Variants in SLC30A10 observed in about 807,000 individuals in gnomAD.
SLC30A10 encodes the protein solute carrier family 30 member 10.
In SLC30A10, 8 loss-of-function variants were observed where a neutral mutation model predicts 21.7. The observed-to-expected ratio is 0.37, with a 90% CI of 0.22 to 0.67. The LOEUF is 0.67. Among genes scored for constraint, SLC30A10 ranks in the 30% least tolerant of loss-of-function variants. The probability of loss-of-function intolerance (pLI) is 0.58; values close to 1 mark genes in which losing one functional copy is unlikely to be tolerated. For synonymous variants in SLC30A10, 272 were observed against 279.4 expected (o/e 0.97, Z 0.26); for missense variants, 521 against 642.5 (o/e 0.81, Z 2.04).
Position 219,913,237 on chromosome 1 carries a change from G to A in SLC30A10, c.*2212C>T, listed in dbSNP as rs1221416203. Among the ~76,000 whole-genome samples the A allele has an allele frequency of 7.2e-5, 11 of 152,204 alleles. No individual in the cohort carries two copies. The highest frequency in any genetic ancestry group is 1.6e-4 in the Non-Finnish European group (11 of 68,036). Reference sequence around the variant, plus strand: ...CAGTCAGCCAAACTGTCTTAAAAAGGTATTACTTCATATTGACTCCAGGCC... The same window carrying A: ...CAGTCAGCCAAACTGTCTTAAAAAGATATTACTTCATATTGACTCCAGGCC... On this transcript the variant is annotated 3_prime_UTR_variant, in exon 4 of 4. Transcript: ENST00000366926.
chr1:219,926,988 C>T, intron 2 of SLC30A10, 40 bp downstream of exon 2: 2 of 1,484,800 alleles, frequency 1.3e-6, no homozygotes, highest in Non-Finnish European at 1.9e-6. Context: ...CCATGTGTGT[C>T]ATAGAAAGGG....
Position 219,917,976 on chromosome 1 carries a change from G to A in SLC30A10, c.958+279C>T, listed in dbSNP as rs4846606. 0.16 allele frequency among the ~76,000 whole-genome samples: 24,295 copies of A among 152,052 alleles called. 2,348 individuals carry two copies. The highest frequency in any genetic ancestry group is 0.22 in the South Asian group (1,041 of 4,814). On this transcript the variant is annotated intron_variant, in intron 3 of 3. Transcript: ENST00000366926. ...GACTCACCCACCTCTGCCTCCCAGAGTGCCAGGATTACAGGCGTGAGCCAC... is the reference window on the plus strand; with the variant it reads ...GACTCACCCACCTCTGCCTCCCAGAATGCCAGGATTACAGGCGTGAGCCAC...
chr1:219,937,589 C>T (rs139813298), intron 1 of SLC30A10, among the ~76,000 whole-genome samples: 204 of 152,298 alleles, frequency 1.3e-3, no homozygotes, highest in African/African-American at 4.7e-3. Context: ...CCAAGGCGGG[C>T]GGATCACTTG....
chr1:219,941,321 T>A (rs1660117349), intron 1 of SLC30A10, among the ~76,000 whole-genome samples: 1 of 152,182 alleles, frequency 6.6e-6, no homozygotes, highest in South Asian at 2.1e-4. Context: ...GAACTTCAGA[T>A]GAATGTGAGC....
In SLC30A10 at chr1:219,934,688, G is replaced by A. The variant is rs1330414029; in HGVS notation, n.81-7583C>T. On this transcript the variant is annotated intron_variant and non_coding_transcript_variant, in intron 1 of 8. Transcript: ENST00000484239. ...CGCTATTATTTTTCCATGAGATATG[G>A]AATGATAAAAGCTGGGTAATGGCTA... Among the ~76,000 whole-genome samples, 5 of 152,134 alleles carry A rather than the reference G, an allele frequency of 3.3e-5. No homozygotes were observed. The East Asian group carries it at 9.6e-4, about 29-fold the overall frequency.
intron 1 of SLC30A10, among the ~76,000 whole-genome samples, chr1:219,941,132 A>G (rs773803744): frequency 1.3e-5 from 2 of 152,368 alleles, no homozygotes; most frequent in African/African-American, 4.8e-5. Context: ...AGGAGAACAC[A>G]GAAGGAAATA....
intron 1 of SLC30A10, among the ~76,000 whole-genome samples, chr1:219,953,369 G>T (rs901951450): frequency 3.9e-5 from 6 of 152,022 alleles, no homozygotes; most frequent in African/African-American, 1.2e-4. Flanking sequence ...GGCCGAGGCG[G>T]GCAGATCATG....
intron 3 of SLC30A10, 86 bp from the exon 4 acceptor site, chr1:219,916,034 A>G (rs1395533933): frequency 1.1e-5 from 16 of 1,505,120 alleles, no homozygotes; most frequent in Non-Finnish European, 3.5e-6. Context: ...TCCGTTAAGC[A>G]TTCTCACCAA....
At chr1:219,927,638 TAAAAAAAAAAAAAAAAAAAAAA>T (rs77015523) in intron 1 of SLC30A10, among the ~76,000 whole-genome samples, 141 bp downstream of exon 1, 37 of 53,424 alleles carry the variant, frequency 6.9e-4, no homozygotes, top group African/African-American at 2.1e-3. Flanking sequence ...ATGGATTTAT[TAAAAAAAAAAAAAAAAAAAAAA>T]AAAAAAAACA....
Position 219,912,187 on chromosome 1 carries a change from A to T in SLC30A10, c.*3262T>A, listed in dbSNP as rs1167611715. On this transcript the variant is annotated 3_prime_UTR_variant, in exon 4 of 4. Coordinates refer to ENST00000366926, the MANE Select transcript of SLC30A10 (RefSeq NM_018713.3). ...ACCAATGGCAAAAAAAAAAAAAAAA[A>T]AAAAAAAAAGAACTAAATATGGAGA... 5.2e-5 allele frequency among the ~76,000 whole-genome samples: 7 copies of T among 135,524 alleles called. No individual in the cohort carries two copies. Among genetic ancestry groups the T allele is most frequent in the African/African-American group, 1.9e-4 (7 of 37,580 alleles). 88.9% of individuals were successfully genotyped at this position (135,524 alleles called of 152,430 possible).
At chr1:219,943,073 T>C (rs2102543464) in intron 1 of SLC30A10, among the ~76,000 whole-genome samples, 1 of 151,904 alleles carries the variant, frequency 6.6e-6, no homozygotes, top group Non-Finnish European at 1.5e-5. Context: ...AATCATGAAA[T>C]ACACAAAATG....
intron 1 of SLC30A10, among the ~76,000 whole-genome samples, chr1:219,955,349 G>A (rs764598938): frequency 1.3e-5 from 2 of 152,072 alleles, no homozygotes; most frequent in African/African-American, 4.8e-5. Context: ...ACCATCACCT[G>A]AACTTCCTCA....
chr1:219,952,184 AC>A (rs1186981061), intron 1 of SLC30A10, among the ~76,000 whole-genome samples: 1 of 151,730 alleles, frequency 6.6e-6, no homozygotes, highest in Non-Finnish European at 1.5e-5. Flanking sequence ...ACTACCAGCC[AC>A]CACCACCACC....
Position 219,911,157 on chromosome 1 carries a change from T to TTTTTTG in SLC30A10, c.*4291_*4292insCAAAAA, listed in dbSNP as rs1558247348. On this transcript the variant is annotated 3_prime_UTR_variant, in exon 4 of 4. Transcript: ENST00000366926. ...TCATTTTTTCTACATCAGTTTTTTT[T>TTTTTTG]TTTTTTTTTTTTTTTTTGCAGTCTT... Among the ~76,000 whole-genome samples the TTTTTTG allele has an allele frequency of 9.3e-6, 1 of 107,454 alleles. No homozygotes were observed. The highest frequency in any genetic ancestry group is 4.6e-5 in the African/African-American group (1 of 21,862). 70.5% of individuals were successfully genotyped at this position (107,454 alleles called of 152,430 possible). A position where few individuals can be genotyped will look rare whatever the true frequency, so the allele number is the denominator to read the frequency against.
chr1:219,949,863 G>T (rs1464300871), intron 1 of SLC30A10, among the ~76,000 whole-genome samples: 1 of 152,062 alleles, frequency 6.6e-6, no homozygotes, highest in Non-Finnish European at 1.5e-5. Context: ...AATGACTATT[G>T]TCTCCATCAA....
In SLC30A10 at chr1:219,918,322, C is replaced by T. The variant is rs780880566; in HGVS notation, c.891G>A (p.Pro297=). The part of the protein sequence containing the change: ...MVIIILSSAF[P]LIKETAAILL... The stretch of plus-strand genomic sequence containing the variant: ...GAATGGCAGCGGTCTCCTTGATAAG[C>T]GGGAAGGCAGATGACAAAATGATGA... The change falls in exon 3 of 4, where the codon CCG becomes CCA. Residue 297 remains proline, a synonymous_variant. Coordinates refer to ENST00000366926, the MANE Select transcript of SLC30A10 (RefSeq NM_018713.3). The surrounding 1 kb of genome is among the most constrained non-coding windows in gnomAD (Gnocchi z 4.4). The T allele has an allele frequency of 1.2e-6, 2 of 1,614,050 alleles. No homozygotes were observed. Among genetic ancestry groups the T allele is most frequent in the Non-Finnish European group, 1.7e-6 (2 of 1,180,022 alleles).
chr1:219,947,332 C>G (rs1660199483), intron 1 of SLC30A10, among the ~76,000 whole-genome samples: 2 of 152,084 alleles, frequency 1.3e-5, no homozygotes, highest in Non-Finnish European at 2.9e-5. Flanking sequence ...AGTTCGAGAT[C>G]AGCTTGGGCA....
chr1:219,942,107 A>G (rs1256858995), intron 1 of SLC30A10, among the ~76,000 whole-genome samples: 2 of 152,274 alleles, frequency 1.3e-5, no homozygotes, highest in East Asian at 3.8e-4. Flanking sequence ...AAATTTTCCT[A>G]TAACTGTTCT....
At chr1:219,957,964 G>A (rs1265723217) in intron 1 of SLC30A10, among the ~76,000 whole-genome samples, 5 of 152,142 alleles carry the variant, frequency 3.3e-5, no homozygotes, top group Non-Finnish European at 2.9e-5. Flanking sequence ...CAGAACAGAC[G>A]TATGCAATAA....
Sources: gnomAD v4.1 joint callset for allele counts (sites outside exome capture counted in the v4.1 genomes callset) on GRCh38, gnomAD v4.1.1 for gene constraint, Gnocchi (gnomAD v3.1) non-coding constraint, MANE v1.5 for transcripts, NCBI Gene and HGNC (gene_info 2026-07-23, HGNC 2026-07-21) for gene names.